Variants in HS3ST3A1 observed in about 807,000 individuals in gnomAD.
The protein encoded by HS3ST3A1 is heparan sulfate glucosamine 3-O-sulfotransferase 3A1.
Under a neutral mutation model 25.7 loss-of-function variants are expected in HS3ST3A1, and 19 were observed. The observed-to-expected ratio is 0.74, with a 90% CI of 0.52 to 1.08. HS3ST3A1 has a LOEUF of 1.08. Ranked by LOEUF, HS3ST3A1 falls within the 50% of genes least tolerant of loss-of-function variation. The pLI, the probability that HS3ST3A1 is intolerant of heterozygous loss-of-function variation, is 0.00. For synonymous variants in HS3ST3A1, 226 were observed against 278.6 expected (o/e 0.81, Z 1.88); for missense variants, 459 against 594.3 (o/e 0.77, Z 2.37).
chr17:13,570,819 C>T (rs979126596), intron 1 of HS3ST3A1, among the ~76,000 whole-genome samples: 1 of 152,200 alleles, frequency 6.6e-6, no homozygotes, highest in African/African-American at 2.4e-5. Context: ...GTATTTTTCA[C>T]ATATTTACAG....
At chr17:13,517,502 A>C (rs2142314202) in intron 1 of HS3ST3A1, among the ~76,000 whole-genome samples, 2 of 152,306 alleles carry the variant, frequency 1.3e-5, no homozygotes, top group African/African-American at 4.8e-5. Flanking sequence ...ACAAATACAG[A>C]AGTGCTTGAG....
At chr17:13,501,669 C>T (rs1905480784) in intron 1 of HS3ST3A1, among the ~76,000 whole-genome samples, 1 of 151,962 alleles carries the variant, frequency 6.6e-6, no homozygotes. Flanking sequence ...GAAAATCAAG[C>T]CAAAGGTTCA....
At chr17:13,510,215 A>T (rs1905815412) in intron 1 of HS3ST3A1, among the ~76,000 whole-genome samples, 1 of 152,202 alleles carries the variant, frequency 6.6e-6, no homozygotes. Context: ...CGCTCTTGAC[A>T]GGAGTTTTAT....
chr17:13,495,978 G>A lies in HS3ST3A1; in HGVS notation c.*219C>T. 2.0e-6 allele frequency: 1 copy of A among 494,216 alleles called. No homozygotes were observed. The highest frequency in any genetic ancestry group is 3.9e-5 in the Admixed American group (1 of 25,848). 30.6% of individuals were successfully genotyped at this position (494,216 alleles called of 1,614,324 possible). On this transcript the variant is annotated 3_prime_UTR_variant, in exon 2 of 2. Coordinates refer to ENST00000284110, the MANE Select transcript of HS3ST3A1 (RefSeq NM_006042.3). ...GAACATAAAATAAAAACTGAAAATT[G>A]AAAGTGTTTAGACGAGTGAAATTTT...
At chr17:13,575,862 GATT>G (rs760317861) in intron 1 of HS3ST3A1, among the ~76,000 whole-genome samples, 2 of 152,232 alleles carry the variant, frequency 1.3e-5, no homozygotes, top group Non-Finnish European at 2.9e-5. Context: ...CCATGGAAAA[GATT>G]TACCCTGCTG....
At chr17:13,573,190 A>T (rs1197351484) in intron 1 of HS3ST3A1, among the ~76,000 whole-genome samples, 1 of 152,152 alleles carries the variant, frequency 6.6e-6, no homozygotes, top group Non-Finnish European at 1.5e-5. Flanking sequence ...ATGGCATTAC[A>T]GTTGCCCTAG....
chr17:13,534,890 G>A (rs183586894), intron 1 of HS3ST3A1, among the ~76,000 whole-genome samples: 319 of 152,280 alleles, frequency 2.1e-3, no homozygotes, highest in African/African-American at 7.3e-3. Context: ...GCCAGGTGTG[G>A]TGGCGCATGC....
At chr17:13,580,798 G>C (rs2142382170) in intron 1 of HS3ST3A1, among the ~76,000 whole-genome samples, 1 of 152,236 alleles carries the variant, frequency 6.6e-6, no homozygotes, top group East Asian at 1.9e-4. Context: ...GGCTGAGGCA[G>C]TAGAATCGCT....
intron 1 of HS3ST3A1, among the ~76,000 whole-genome samples, chr17:13,507,886 T>C (rs1905734266): frequency 6.6e-6 from 1 of 152,228 alleles, no homozygotes; most frequent in Non-Finnish European, 1.5e-5. Flanking sequence ...GGGAACTCTC[T>C]GTGCTGTCAG....
At chr17:13,568,916 A>G (rs1425295363) in intron 1 of HS3ST3A1, among the ~76,000 whole-genome samples, 1 of 152,214 alleles carries the variant, frequency 6.6e-6, no homozygotes, top group Non-Finnish European at 1.5e-5. Context: ...GCCACATGCA[A>G]ACATAGAGCT....
rs367580400 is a variant in HS3ST3A1 at position 13,494,762 on chromosome 17, G to A, written c.*1435C>T. Among the ~76,000 whole-genome samples, 1 of 152,142 alleles carries A rather than the reference G, an allele frequency of 6.6e-6. No homozygotes were observed. The highest frequency in any genetic ancestry group is 2.1e-4 in the South Asian group (1 of 4,830). On this transcript the variant is annotated 3_prime_UTR_variant, in exon 2 of 2. Coordinates refer to ENST00000284110, the MANE Select transcript of HS3ST3A1 (RefSeq NM_006042.3). ...ATCTTGTTAATACCCACTCAGAGAG[G>A]AAAGGAATACTGTTAATAAACTATT...
intron 1 of HS3ST3A1, among the ~76,000 whole-genome samples, chr17:13,507,087 CAA>C (rs1905708585): frequency 7.7e-6 from 1 of 129,720 alleles, no homozygotes; most frequent in Non-Finnish European, 1.6e-5. Flanking sequence ...AAAAAAAAAA[CAA>C]AAAAAGATGT....
chr17:13,590,300 G>A lies in HS3ST3A1; in HGVS notation c.599+10231C>T, dbSNP rs78102026. 2.3e-3 allele frequency among the ~76,000 whole-genome samples: 343 copies of A among 146,656 alleles called. 12 individuals are homozygous for A. In the East Asian group the frequency reaches 0.052, roughly 22 times the overall value. On this transcript the variant is annotated intron_variant, in intron 1 of 1. Coordinates refer to ENST00000284110, the MANE Select transcript of HS3ST3A1 (RefSeq NM_006042.3). ...GACCATTGATTCAATTCAATTCAAG[G>A]CTTTAATTTAATAGCTCTGTGAGGT...
intron 1 of HS3ST3A1, among the ~76,000 whole-genome samples, chr17:13,512,305 CAAAAAAAAAA>C (rs67523378): frequency 1.2e-5 from 1 of 82,116 alleles, no homozygotes. Context: ...GACTCCGTCT[CAAAAAAAAAA>C]AAAAAAAAAA....
chr17:13,581,900 G>T (rs1908124793), intron 1 of HS3ST3A1, among the ~76,000 whole-genome samples: 1 of 152,092 alleles, frequency 6.6e-6, no homozygotes, highest in Non-Finnish European at 1.5e-5. Context: ...TTCCCAGGGG[G>T]TCGCCCTTTA....
chr17:13,505,085 C>T (rs976621212), intron 1 of HS3ST3A1, among the ~76,000 whole-genome samples: 2 of 152,186 alleles, frequency 1.3e-5, no homozygotes, highest in African/African-American at 4.8e-5. Context: ...TTCAGAGAGA[C>T]TGAGCAGTAT....
chr17:13,565,448 C>G (rs1283762455), intron 1 of HS3ST3A1, among the ~76,000 whole-genome samples: 1 of 152,186 alleles, frequency 6.6e-6, no homozygotes, highest in Non-Finnish European at 1.5e-5. Context: ...AGGAGGATCA[C>G]TTGAGCCTGG....
In HS3ST3A1 at chr17:13,495,417, G is replaced by A. The variant is rs974285845; in HGVS notation, c.*780C>T. 2.0e-5 allele frequency among the ~76,000 whole-genome samples: 3 copies of A among 152,084 alleles called. No individual in the cohort carries two copies. Among genetic ancestry groups the A allele is most frequent in the African/African-American group, 4.8e-5 (2 of 41,388 alleles). Reference sequence around the variant, plus strand: ...GTAATGAGACTGGGTGCCATGAGGGGTAGCCTGGGAATTTAGAAAACAAGG... The same window carrying A: ...GTAATGAGACTGGGTGCCATGAGGGATAGCCTGGGAATTTAGAAAACAAGG... On this transcript the variant is annotated 3_prime_UTR_variant, in exon 2 of 2. Coordinates refer to ENST00000284110, the MANE Select transcript of HS3ST3A1 (RefSeq NM_006042.3).
intron 1 of HS3ST3A1, among the ~76,000 whole-genome samples, chr17:13,540,245 A>G (rs1423306529): frequency 1.3e-5 from 2 of 152,206 alleles, no homozygotes; most frequent in Non-Finnish European, 2.9e-5. Flanking sequence ...TGTGTCACTG[A>G]CCAGCAGCTT....
Sources: allele counts gnomAD v4.1 joint callset (sites outside exome capture counted in the v4.1 genomes callset), GRCh38; gene constraint gnomAD v4.1.1; transcripts MANE v1.5; gene names NCBI Gene and HGNC (gene_info 2026-07-23, HGNC 2026-07-21).